CLECL1: variants seen among roughly 807,000 people sequenced by gnomAD.
CLECL1 encodes C-type lectin-like domain family 1.
At chr12:9,723,804 G>A (rs1325269574) in intron 3 of CLECL1, among the ~76,000 whole-genome samples, 4 of 152,106 alleles carry the variant, frequency 2.6e-5, no homozygotes, top group Admixed American at 6.5e-5. Context: ...CCAGGTTATG[G>A]TAAGAACAAG....
chr12:9,704,648 G>A, the CLECL1 span, among the ~76,000 whole-genome samples: 1 of 152,144 alleles, frequency 6.6e-6, no homozygotes, highest in Admixed American at 6.5e-5. Context: ...ACTTACAAGT[G>A]AGAACATGTG....
chr12:9,733,764 T>C (rs932428433), upstream of CLECL1, among the ~76,000 whole-genome samples: 5 of 152,172 alleles, frequency 3.3e-5, no homozygotes, highest in African/African-American at 1.2e-4. Flanking sequence ...TACTATCGAA[T>C]ACAACATAGC....
At chr12:9,724,356 A>G (rs1866353071) in intron 3 of CLECL1, among the ~76,000 whole-genome samples, 1 of 152,184 alleles carries the variant, frequency 6.6e-6, no homozygotes, top group Admixed American at 6.5e-5. Flanking sequence ...GACCAATTCT[A>G]AAGGAAAAGG....
downstream of CLECL1, among the ~76,000 whole-genome samples, chr12:9,721,420 GA>G (rs1402955221): frequency 6.6e-6 from 1 of 152,058 alleles, no homozygotes; most frequent in Non-Finnish European, 1.5e-5. Context: ...GTTTATTCTT[GA>G]AAGGGAACAA....
chr12:9,711,991 T>A (rs191527347), downstream of CLECL1, among the ~76,000 whole-genome samples: 2 of 152,344 alleles, frequency 1.3e-5, no homozygotes, highest in African/African-American at 4.8e-5. Flanking sequence ...TCTTACTAGT[T>A]GATTTTCATT....
chr12:9,706,438 C>A, the CLECL1 span, among the ~76,000 whole-genome samples: 6 of 152,232 alleles, frequency 3.9e-5, no homozygotes, highest in South Asian at 1.2e-3. Context: ...TTGTGTCAGT[C>A]TTCAAGGGGA....
downstream of CLECL1, among the ~76,000 whole-genome samples, chr12:9,718,229 C>G (rs925909615): frequency 3.4e-5 from 5 of 145,324 alleles, no homozygotes; most frequent in South Asian, 6.3e-4. Flanking sequence ...TTTTATGTCC[C>G]CAAATATGAT....
chr12:9,722,817 G>A lies in CLECL1; in HGVS notation n.263-4C>T, dbSNP rs199872241. The A allele has an allele frequency of 6.3e-6, 10 of 1,592,304 alleles. No homozygotes were observed. The South Asian group carries it at 1.0e-4, about 16-fold the overall frequency. On this transcript the variant is annotated splice_region_variant and splice_polypyrimidine_tract_variant and intron_variant and non_coding_transcript_variant, in intron 3 of 3. Transcript: ENST00000621400. The stretch of plus-strand genomic sequence containing the variant: ...ACAGTAGAAAAGTTGAAAGAAACTG[G>A]AAGAAAGGAAGATAAGCAATTAAAA...
downstream of CLECL1, among the ~76,000 whole-genome samples, chr12:9,713,117 C>T (rs1393156383): frequency 6.6e-6 from 1 of 152,150 alleles, no homozygotes; most frequent in Non-Finnish European, 1.5e-5. Flanking sequence ...TTGATTTGAG[C>T]AAGCAGGTGG....
downstream of CLECL1, among the ~76,000 whole-genome samples, chr12:9,711,425 A>G (rs1866199751): frequency 6.6e-6 from 1 of 152,132 alleles, no homozygotes; most frequent in African/African-American, 2.4e-5. Context: ...ACTGCTCTTC[A>G]TTAAAGCTAC....
At chr12:9,717,460 T>G (rs1222619612) in intron 2 of CLECL1, among the ~76,000 whole-genome samples, 2 of 152,240 alleles carry the variant, frequency 1.3e-5, no homozygotes, top group Non-Finnish European at 2.9e-5. Context: ...TTATTTTTGC[T>G]TTCTAATTGA....
the CLECL1 span, among the ~76,000 whole-genome samples, chr12:9,705,745 C>G: frequency 6.6e-6 from 1 of 152,074 alleles, no homozygotes; most frequent in African/African-American, 2.4e-5. Context: ...CTAATCTGTT[C>G]CATTGGTCTA....
intron 3 of CLECL1, 139 bp from the exon 2 acceptor site, chr12:9,722,952 C>G (rs1173706749): frequency 1.8e-6 from 1 of 543,014 alleles, no homozygotes; most frequent in African/African-American, 1.9e-5. Context: ...TTCCAGGGTA[C>G]ATTTGAAAAA....
intron 3 of CLECL1, among the ~76,000 whole-genome samples, chr12:9,725,658 G>A (rs561588335): frequency 2.6e-5 from 4 of 152,150 alleles, no homozygotes; most frequent in African/African-American, 9.6e-5. Context: ...TGCATAAAAC[G>A]TGTCAGGGCA....
intron 3 of CLECL1, 32 bp from the exon 2 acceptor site, chr12:9,722,845 A>G (rs758825631): frequency 6.6e-7 from 1 of 1,514,096 alleles, no homozygotes; most frequent in Admixed American, 1.8e-5. Flanking sequence ...AATTAAAATC[A>G]ATGTAAAACT....
chr12:9,703,184 G>C, the CLECL1 span, among the ~76,000 whole-genome samples: 1 of 152,090 alleles, frequency 6.6e-6, no homozygotes, highest in Admixed American at 6.5e-5. Flanking sequence ...ATTGAATAGA[G>C]TAAAGTTATT....
At chr12:9,730,920 A>C (rs1866439494) in intron 1 of CLECL1, among the ~76,000 whole-genome samples, 1 of 152,158 alleles carries the variant, frequency 6.6e-6, no homozygotes. Flanking sequence ...TCATGGGCTC[A>C]AGCGATCCTC....
chr12:9,731,039 A>G (rs1042149659), intron 1 of CLECL1, among the ~76,000 whole-genome samples: 2 of 152,230 alleles, frequency 1.3e-5, no homozygotes, highest in African/African-American at 4.8e-5. Context: ...TAAGTTTAGT[A>G]GAATAAAATT....
chr12:9,703,102 G>C, the CLECL1 span, among the ~76,000 whole-genome samples: 52 of 152,238 alleles, frequency 3.4e-4, no homozygotes, highest in African/African-American at 1.2e-3. Flanking sequence ...AATTTTTAAC[G>C]TTCCAAAGTT....
Sources: gnomAD v4.1 joint callset for allele counts (sites outside exome capture counted in the v4.1 genomes callset) on GRCh38, gnomAD v4.1.1 for gene constraint, MANE v1.5 for transcripts, NCBI Gene and HGNC (gene_info 2026-07-23, HGNC 2026-07-21) for gene names.